Variants in C21orf58 observed in about 807,000 individuals in gnomAD.
C21orf58 encodes the protein uncharacterized protein C21orf58.
Under a neutral mutation model 35.8 loss-of-function variants are expected in C21orf58, and 34 were observed. The ratio of observed to expected loss-of-function variants is 0.95; its 90% CI spans 0.72 to 1.26. C21orf58 has a LOEUF of 1.26. C21orf58 is among the 50% of genes most tolerant of loss of function. The pLI is 0.00. For missense variants in C21orf58, 440 were observed against 414.3 expected (o/e 1.06, Z -0.54); for synonymous variants, 191 against 175.8 (o/e 1.09, Z -0.68).
rs568662801 is a variant in C21orf58 at position 46,318,716 on chromosome 21, G to A, written c.101-496C>T. The A allele has an allele frequency of 8.9e-6, 9 of 1,015,532 alleles. No homozygotes were observed. The African/African-American group carries it at 1.4e-4, about 16-fold the overall frequency. 62.9% of individuals were successfully genotyped at this position (1,015,532 alleles called of 1,614,324 possible). A position where few individuals can be genotyped will look rare whatever the true frequency, so the allele number is the denominator to read the frequency against. On this transcript the variant is annotated intron_variant, in intron 1 of 7. Coordinates refer to ENST00000291691, the MANE Select transcript of C21orf58 (RefSeq NM_058180.5). ...GCAGCAGAAGGGGTAGGACAGAGGA[G>A]GGGTTGTGACCTGCAGAGGGGCTGG... is the stretch of plus-strand genomic sequence containing the variant.
Position 46,320,454 on chromosome 21 carries a change from A to G in C21orf58, c.100+2185T>C, listed in dbSNP as rs1411363555. ...GGCCAGGCAGGCGGAAGTTGCAGTG[A>G]GCCAAGGTGGCACCACTACTGCACT... is the stretch of plus-strand genomic sequence containing the variant. On this transcript the variant is annotated intron_variant, in intron 1 of 7. Transcript: ENST00000291691. Among the ~76,000 whole-genome samples, 12 of 140,360 alleles carry G rather than the reference A, an allele frequency of 8.5e-5. No individual in the cohort carries two copies. The Admixed American group carries it at 8.7e-4, about 10-fold the overall frequency. 92.1% of individuals were successfully genotyped at this position (140,360 alleles called of 152,430 possible). A position where few individuals can be genotyped will look rare whatever the true frequency, so the allele number is the denominator to read the frequency against.
At position 46,323,660 on chromosome 21, in the gene C21orf58, C is replaced by T. The variant is rs145225596; in HGVS notation, c.-922G>A. 110 of 170,380 alleles carry T rather than the reference C, an allele frequency of 6.5e-4. No homozygotes were observed. Among genetic ancestry groups the T allele is most frequent in the Non-Finnish European group, 1.0e-3 (79 of 78,604 alleles). 10.6% of individuals were successfully genotyped at this position (170,380 alleles called of 1,614,324 possible). On this transcript the variant is annotated 5_prime_UTR_variant, in exon 1 of 8. Transcript: ENST00000291691. ...CCCTTGCGGATCCCCTGAGATCCACCTCAGCAGCCTCCTCCGTGGTAGGCC... is the reference window on the plus strand; with the variant it reads ...CCCTTGCGGATCCCCTGAGATCCACTTCAGCAGCCTCCTCCGTGGTAGGCC...
At chr21:46,317,986 C>CAGG (rs772585342) in intron 2 of C21orf58, 26 bp downstream of exon 2, 1 of 1,611,314 alleles carries the variant, frequency 6.2e-7, no homozygotes. Flanking sequence ...TTGTTAAAAA[C>CAGG]AGGAGCATCC....
At chr21:46,315,737 G>A (rs1227251749) in intron 3 of C21orf58, among the ~76,000 whole-genome samples, 190 bp from the exon 4 acceptor site, 1 of 152,142 alleles carries the variant, frequency 6.6e-6, no homozygotes, top group Non-Finnish European at 1.5e-5. Flanking sequence ...GGTAAGGAGG[G>A]CAAGGGGCAG....
In C21orf58 at chr21:46,302,080, G is replaced by GTGT. The variant is rs2145881279; in HGVS notation, c.887_888insACA (p.His295_His296insGln). On this transcript the variant is annotated inframe_insertion, in exon 8 of 8. Transcript: ENST00000291691. ...CAGGTGGCCACACAGCATGGTGGTG[G>GTGT]TGGTGGTGGTGGTGCACGGCAGGCA... The GTGT allele has an allele frequency of 1.3e-6, 2 of 1,532,686 alleles. No homozygotes were observed. Among genetic ancestry groups the GTGT allele is most frequent in the Non-Finnish European group, 1.8e-6 (2 of 1,138,816 alleles). The allele number at this position is 1,532,686 out of a possible 1,614,324, so 94.9% of individuals were successfully genotyped here.
intron 2 of C21orf58, 86 bp from the exon 3 acceptor site, chr21:46,317,354 T>C (rs1161668068): frequency 1.3e-6 from 2 of 1,550,996 alleles, no homozygotes; most frequent in Non-Finnish European, 8.7e-7. Context: ...GCTTTCTGAG[T>C]GAAAAGAATG....
chr21:46,305,995 G>A (rs1202223525), intron 6 of C21orf58, among the ~76,000 whole-genome samples: 5 of 152,006 alleles, frequency 3.3e-5, no homozygotes, highest in Non-Finnish European at 7.4e-5. Context: ...AGCTACTTGG[G>A]AGGCTGAGGT....
At chr21:46,316,901 G>A (rs1367027739) in intron 3 of C21orf58, among the ~76,000 whole-genome samples, 6 of 152,262 alleles carry the variant, frequency 3.9e-5, no homozygotes, top group African/African-American at 1.4e-4. Flanking sequence ...TGGAACCAGA[G>A]CAACTGGGTC....
chr21:46,302,093 T>TGGA lies in C21orf58; in HGVS notation c.874_875insTCC (p.Val291_His292insLeu), dbSNP rs1569112677. ...AGCATGGTGGTGGTGGTGGTGGTGG[T>TGGA]GCACGGCAGGCAGCCTTGGCCTGGC... On this transcript the variant is annotated inframe_insertion, in exon 8 of 8. Transcript: ENST00000291691. The TGGA allele has an allele frequency of 1.3e-6, 2 of 1,531,870 alleles. No homozygotes were observed. Among genetic ancestry groups the TGGA allele is most frequent in the Non-Finnish European group, 8.8e-7 (1 of 1,139,154 alleles). 94.9% of individuals were successfully genotyped at this position (1,531,870 alleles called of 1,614,324 possible).
At chr21:46,321,205 G>A (rs569064082) in intron 1 of C21orf58, among the ~76,000 whole-genome samples, 1 of 152,024 alleles carries the variant, frequency 6.6e-6, no homozygotes, top group East Asian at 1.9e-4. Context: ...GTCTCGCTGC[G>A]ACGCCCAGGC....
chr21:46,318,098 G>A lies in C21orf58; in HGVS notation c.223C>T (p.Leu75=), dbSNP rs80138297. 2.0e-3 allele frequency: 3,240 copies of A among 1,613,258 alleles called. 82 individuals carry two copies. In the African/African-American group the frequency reaches 0.039, roughly 19 times the overall value. The change falls in exon 2 of 8, where the codon CTA becomes TTA. Residue 75 remains leucine (L), a synonymous_variant. Transcript: ENST00000291691. ...EGGGLWPPLP[L]QSSPAAPTML... ...GTGGGAGCTGCAGGAGACGACTGTAGGGGCAGGGGAGGCCACAGCCCACCT... is the reference window on the plus strand; with the variant it reads ...GTGGGAGCTGCAGGAGACGACTGTAAGGGCAGGGGAGGCCACAGCCCACCT...
rs35183891 is a variant in C21orf58, at chr21:46,308,706, G to T, written c.721+2750C>A. Among the ~76,000 whole-genome samples, 433 of 152,160 alleles carry T rather than the reference G, an allele frequency of 2.8e-3. 1 individual carries two copies. Among genetic ancestry groups the T allele is most frequent in the Non-Finnish European group, 4.6e-3 (313 of 68,010 alleles). On this transcript the variant is annotated intron_variant, in intron 6 of 7. Coordinates refer to ENST00000291691, the MANE Select transcript of C21orf58 (RefSeq NM_058180.5). ...TGGTTGGAACTTAATCCTCAATGTG[G>T]CAGTATTGAGAGGTGGGGCCTGTAA...
intron 5 of C21orf58, 65 bp from the exon 6 acceptor site, chr21:46,311,632 C>T: frequency 1.1e-6 from 1 of 918,586 alleles, no homozygotes; most frequent in South Asian, 1.8e-5. Context: ...CAGTATCTAC[C>T]ACCCATCCAT....
chr21:46,313,086 C>G, intron 5 of C21orf58: 3 of 984,308 alleles, frequency 3.0e-6, no homozygotes, highest in Non-Finnish European at 3.6e-6. Flanking sequence ...AAACTTTTGC[C>G]AAGAGCTACA....
rs1283895753 is a variant in C21orf58 at position 46,323,134 on chromosome 21, T to A, written c.-396A>T. The A allele has an allele frequency of 6.5e-6, 1 of 154,208 alleles. No homozygotes were observed. The highest frequency in any genetic ancestry group is 6.5e-5 in the Admixed American group (1 of 15,324). 9.6% of individuals were successfully genotyped at this position (154,208 alleles called of 1,614,324 possible). A position where few individuals can be genotyped will look rare whatever the true frequency, so the allele number is the denominator to read the frequency against. On this transcript the variant is annotated 5_prime_UTR_variant, in exon 1 of 8. Transcript: ENST00000291691. The stretch of plus-strand genomic sequence containing the variant: ...TCCAGTTAGTTTCCCAAGTTCCACC[T>A]ACGCGCGCGCCAGCTGAGAAAACGC...
Position 46,314,774 on chromosome 21 carries a change from A to T in C21orf58, c.551T>A (p.Leu184Gln). 6.6e-7 allele frequency: 1 copy of T among 1,521,838 alleles called. No homozygotes were observed. Among genetic ancestry groups the T allele is most frequent in the Non-Finnish European group, 8.9e-7 (1 of 1,128,314 alleles). 94.3% of individuals were successfully genotyped at this position (1,521,838 alleles called of 1,614,324 possible). Reference sequence around the variant, plus strand: ...CAGCGGGGATGGGGAGGCAGTGGGTAGGATGCCCGTGGGGGGCAGCTCTGG... The same window carrying T: ...CAGCGGGGATGGGGAGGCAGTGGGTTGGATGCCCGTGGGGGGCAGCTCTGG... ...LPPELPPTGI[L>Q]PTASPSPLAP... The change falls in exon 5 of 8, where the codon CTA (leucine) becomes CAA (glutamine). Residue 184 changes from leucine (L) to glutamine (Q), a missense_variant. Transcript: ENST00000291691.
chr21:46,307,306 T>G (rs1282512382), intron 6 of C21orf58, among the ~76,000 whole-genome samples: 2 of 152,186 alleles, frequency 1.3e-5, no homozygotes, highest in South Asian at 4.1e-4. Flanking sequence ...GCCACTGTGC[T>G]GGCCGTTAAC....
chr21:46,308,831 G>A (rs11089059), intron 6 of C21orf58, among the ~76,000 whole-genome samples: 33,088 of 151,820 alleles, frequency 0.22, 4,092 homozygotes, highest in Middle Eastern at 0.31. Context: ...TATCATGGGA[G>A]GAGAAATGGT....
chr21:46,322,661 G>A lies in C21orf58; in HGVS notation c.78C>T (p.Asp26=), dbSNP rs1318789517. Reference sequence around the variant, plus strand: ...CACCACACAGAAGACTGTGGCCTGAGTCAGGAGAAGGAAGTTTCTGGCGGT... The same window carrying A: ...CACCACACAGAAGACTGTGGCCTGAATCAGGAGAAGGAAGTTTCTGGCGGT... ...KLDRQKLPSP[D]SGHSLLCGWS... is the part of the protein sequence containing the mutation. Residue 26 remains aspartate, a synonymous_variant, in exon 1 of 8, where the codon GAC becomes GAT. Coordinates refer to ENST00000291691, the MANE Select transcript of C21orf58 (RefSeq NM_058180.5). 1.3e-6 allele frequency: 2 copies of A among 1,594,284 alleles called. No individual in the cohort carries two copies. The highest frequency in any genetic ancestry group is 2.7e-5 in the African/African-American group (2 of 74,126).
Sources: gnomAD v4.1 joint callset for allele counts (sites outside exome capture counted in the v4.1 genomes callset) on GRCh38, gnomAD v4.1.1 for gene constraint, MANE v1.5 for transcripts, NCBI Gene and HGNC (gene_info 2026-07-23, HGNC 2026-07-21) for gene names.